Variants in PGCKA1 observed in about 807,000 individuals in gnomAD.
The protein encoded by PGCKA1 is PDCD10 and GCKIII kinases associated 1.
chr4:37,508,873 T>C, the PGCKA1 span, among the ~76,000 whole-genome samples: 21 of 145,568 alleles, frequency 1.4e-4, no homozygotes, highest in Admixed American at 2.1e-4. Flanking sequence ...TAGGGAGTGG[T>C]GATGACTCTT....
chr4:37,570,074 G>A, the PGCKA1 span, among the ~76,000 whole-genome samples: 336 of 144,228 alleles, frequency 2.3e-3, no homozygotes, highest in African/African-American at 8.2e-3. Flanking sequence ...CCGCCTCCCA[G>A]GTTCACGCCA....
At chr4:37,458,098 G>A in the PGCKA1 span, among the ~76,000 whole-genome samples, 3 of 152,138 alleles carry the variant, frequency 2.0e-5, no homozygotes, top group East Asian at 5.8e-4. Flanking sequence ...AACCTTAAAA[G>A]TTACTTGGTC....
chr4:37,556,198 G>A, the PGCKA1 span, among the ~76,000 whole-genome samples: 1 of 151,946 alleles, frequency 6.6e-6, no homozygotes, highest in African/African-American at 2.4e-5. Context: ...TGCCTAAAAC[G>A]CCCTCCCGAC....
the PGCKA1 span, chr4:37,453,944 G>C: frequency 6.5e-6 from 1 of 153,334 alleles, no homozygotes; most frequent in Non-Finnish European, 1.5e-5. Flanking sequence ...AGGGCAGCGC[G>C]GAGCCGCTAG....
the PGCKA1 span, among the ~76,000 whole-genome samples, chr4:37,528,575 C>T: frequency 1.3e-5 from 2 of 152,010 alleles, no homozygotes; most frequent in East Asian, 3.8e-4. Context: ...AAACGCCTGG[C>T]ACTAGGTGGG....
the PGCKA1 span, chr4:37,590,147 G>T: frequency 6.2e-7 from 1 of 1,614,168 alleles, no homozygotes. Flanking sequence ...GTCAACAGCT[G>T]CAAGCTAGAT....
At chr4:37,539,826 A>T in the PGCKA1 span, among the ~76,000 whole-genome samples, 1 of 152,328 alleles carries the variant, frequency 6.6e-6, no homozygotes, top group African/African-American at 2.4e-5. Flanking sequence ...GTGTATTTTC[A>T]TGGAAAAGGC....
the PGCKA1 span, among the ~76,000 whole-genome samples, chr4:37,547,976 T>TAAA: frequency 3.9e-5 from 4 of 102,518 alleles, no homozygotes; most frequent in African/African-American, 1.4e-4. Context: ...AAGTTCTCTT[T>TAAA]AAAAAAAAAA....
chr4:37,464,502 C>A, the PGCKA1 span, among the ~76,000 whole-genome samples: 1,497 of 152,306 alleles, frequency 9.8e-3, 21 homozygotes, highest in African/African-American at 0.034. Flanking sequence ...TTTAAATAAT[C>A]TGAGTCTCAG....
chr4:37,509,060 G>A, the PGCKA1 span, among the ~76,000 whole-genome samples: 14 of 151,086 alleles, frequency 9.3e-5, no homozygotes, highest in East Asian at 2.0e-3. Context: ...ACAAAATGGA[G>A]TCTCCTATGT....
chr4:37,509,944 G>A, the PGCKA1 span, among the ~76,000 whole-genome samples: 4 of 133,702 alleles, frequency 3.0e-5, 1 homozygote, highest in African/African-American at 1.0e-4. Context: ...GCATCAGAGG[G>A]AGACCGTGGA....
chr4:37,527,752 C>T, the PGCKA1 span, among the ~76,000 whole-genome samples: 39 of 152,068 alleles, frequency 2.6e-4, no homozygotes, highest in Non-Finnish European at 4.6e-4. Flanking sequence ...ATGGCAGGAA[C>T]CCAGGAGGCG....
At chr4:37,588,763 C>A in the PGCKA1 span, 1 of 982,154 alleles carries the variant, frequency 1.0e-6, no homozygotes, top group Non-Finnish European at 1.6e-6. Flanking sequence ...CATTTTGAGT[C>A]TCTAGGGAAA....
chr4:37,513,128 C>T, the PGCKA1 span, among the ~76,000 whole-genome samples: 1 of 151,628 alleles, frequency 6.6e-6, no homozygotes, highest in East Asian at 1.9e-4. Flanking sequence ...GAAAGAAATC[C>T]CATTTCCATT....
chr4:37,527,305 A>T, the PGCKA1 span, among the ~76,000 whole-genome samples: 2 of 152,280 alleles, frequency 1.3e-5, no homozygotes, highest in Admixed American at 1.3e-4. Context: ...AAAATATTTT[A>T]AAATAAATGT....
At chr4:37,551,242 C>G in the PGCKA1 span, among the ~76,000 whole-genome samples, 27 of 152,146 alleles carry the variant, frequency 1.8e-4, 2 homozygotes, top group South Asian at 3.9e-3. Context: ...TTTTACTGCC[C>G]GTAAAAGCAG....
the PGCKA1 span, among the ~76,000 whole-genome samples, chr4:37,523,863 G>A: frequency 6.6e-6 from 1 of 152,140 alleles, no homozygotes; most frequent in Non-Finnish European, 1.5e-5. Flanking sequence ...AGCAGAGAGA[G>A]CAGAAATGAT....
chr4:37,477,586 T>C, the PGCKA1 span, among the ~76,000 whole-genome samples: 1 of 152,170 alleles, frequency 6.6e-6, no homozygotes, highest in African/African-American at 2.4e-5. Context: ...AAAATAATAA[T>C]AAAGTGGCAG....
chr4:37,474,235 C>T, the PGCKA1 span, among the ~76,000 whole-genome samples: 1 of 152,116 alleles, frequency 6.6e-6, no homozygotes, highest in Non-Finnish European at 1.5e-5. Context: ...GGCCCTCTTC[C>T]CTTCTTTCTT....
Sources: gnomAD v4.1 joint callset for allele counts (sites outside exome capture counted in the v4.1 genomes callset) on GRCh38, gnomAD v4.1.1 for gene constraint, MANE v1.5 for transcripts, NCBI Gene and HGNC (gene_info 2026-07-23, HGNC 2026-07-21) for gene names.